PARD3B: variants seen among roughly 807,000 people sequenced by gnomAD.
PARD3B encodes the protein par-3 family cell polarity regulator beta.
A neutral mutation model predicts 130.2 loss-of-function variants in PARD3B; 103 were observed. That is an observed-to-expected ratio of 0.79 (90% confidence interval 0.67 to 0.93). The LOEUF (loss-of-function observed/expected upper bound fraction) is 0.93, where lower values mean the gene tolerates loss of function less well. Among genes scored for constraint, PARD3B ranks in the 40% least tolerant of loss-of-function variants. The pLI, the probability that PARD3B is intolerant of heterozygous loss-of-function variation, is 0.00. For synonymous variants in PARD3B, 583 were observed against 553.2 expected, an observed-to-expected ratio of 1.05 and a Z score of -0.76; for missense variants, 1,609 against 1,499.2, an observed-to-expected ratio of 1.07 and a Z score of -1.21.
chr2:205,420,191 A>G (rs1464586361), intron 19 of PARD3B, among the ~76,000 whole-genome samples: 1 of 152,188 alleles, frequency 6.6e-6, no homozygotes, highest in Non-Finnish European at 1.5e-5. Flanking sequence ...TTCAAGAGCT[A>G]TTAGTGGTGT....
intron 22 of PARD3B, among the ~76,000 whole-genome samples, chr2:205,554,134 T>C (rs529896022): frequency 6.6e-6 from 1 of 152,200 alleles, no homozygotes; most frequent in East Asian, 1.9e-4. Context: ...TTAGGTGAGG[T>C]GAGAGTATGA....
chr2:205,192,892 G>GT (rs923528450), intron 14 of PARD3B, among the ~76,000 whole-genome samples: 8 of 152,168 alleles, frequency 5.3e-5, no homozygotes, highest in Non-Finnish European at 1.2e-4. Flanking sequence ...AAGTGCTAGT[G>GT]TTTTCCAGGC....
chr2:204,751,103 A>C (rs1370185735), intron 2 of PARD3B, among the ~76,000 whole-genome samples: 4 of 152,210 alleles, frequency 2.6e-5, no homozygotes, highest in Admixed American at 2.6e-4. Flanking sequence ...AAGAGGTAGA[A>C]GAGCGTCATA....
rs138390138 is a variant in PARD3B at position 204,750,595 on chromosome 2, CACATACATACAT to C, written c.222+64341_222+64352del. Among the ~76,000 whole-genome samples, 725 of 149,664 alleles carry C rather than the reference CACATACATACAT, an allele frequency of 4.8e-3. 8 individuals are homozygous for C. Among genetic ancestry groups the C allele is most frequent in the African/African-American group, 0.016 (671 of 40,924 alleles). On this transcript the variant is annotated intron_variant, in intron 2 of 22. Transcript: ENST00000406610. Reference sequence around the variant, plus strand: ...AGTGAAACGCTGTTTCAAAAATACACACATACATACATACATACATACATACATACATACATA... The same window carrying C: ...AGTGAAACGCTGTTTCAAAAATACACACATACATACATACATACATACATA...
At chr2:205,376,719 G>A (rs1341375843) in intron 18 of PARD3B, among the ~76,000 whole-genome samples, 1 of 152,118 alleles carries the variant, frequency 6.6e-6, no homozygotes, top group Non-Finnish European at 1.5e-5. Flanking sequence ...AAGCTGTGGA[G>A]GAATAAGTAA....
intron 1 of PARD3B, among the ~76,000 whole-genome samples, chr2:204,593,420 C>A (rs1309196939): frequency 6.6e-6 from 1 of 152,140 alleles, no homozygotes; most frequent in Non-Finnish European, 1.5e-5. Context: ...GCCTAGCATG[C>A]AGTTGGCATT....
At position 205,263,316 on chromosome 2, in the gene PARD3B, A is replaced by G. The variant is rs1294613490; in HGVS notation, c.2185+17494A>G. Among the ~76,000 whole-genome samples the G allele has an allele frequency of 1.3e-5, 2 of 151,630 alleles. No homozygotes were observed. Among genetic ancestry groups the G allele is most frequent in the African/African-American group, 4.8e-5 (2 of 41,306 alleles). ...GGTGGGGCAAAAACAGTGGGAATAT[A>G]TGGAAGCAGCAAGGAACATAAGAGG... On this transcript the variant is annotated intron_variant, in intron 16 of 22. Coordinates refer to ENST00000406610, the MANE Select transcript of PARD3B (RefSeq NM_001302769.2). The surrounding 1 kb of genome is among the most constrained non-coding windows in gnomAD (Gnocchi z 4.0).
rs2053264555 is a variant in PARD3B at position 205,564,848 on chromosome 2, C to G, written c.3260+11445C>G. Among the ~76,000 whole-genome samples the G allele has an allele frequency of 1.3e-5, 2 of 152,184 alleles. No homozygotes were observed. The highest frequency in any genetic ancestry group is 4.1e-4 in the South Asian group (2 of 4,834). ...GAGGGGTTGGTACAAAAACAGCAGC[C>G]TCCAGAACGTGTTCCTGCTTCTATT... On this transcript the variant is annotated intron_variant, in intron 22 of 22. Coordinates refer to ENST00000406610, the MANE Select transcript of PARD3B (RefSeq NM_001302769.2). The surrounding 1 kb of genome is among the most constrained non-coding windows in gnomAD (Gnocchi z 4.6).
At chr2:205,270,576 A>G (rs1460180278) in intron 16 of PARD3B, among the ~76,000 whole-genome samples, 1 of 151,888 alleles carries the variant, frequency 6.6e-6, no homozygotes, top group Admixed American at 6.6e-5. Context: ...CAAAAAAAAA[A>G]CAAAAAGAAA....
At chr2:205,322,994 TC>T (rs1265715969) in intron 18 of PARD3B, among the ~76,000 whole-genome samples, 11 of 137,270 alleles carry the variant, frequency 8.0e-5, no homozygotes, top group Non-Finnish European at 1.7e-4. Flanking sequence ...CACTGCAGTT[TC>T]CGCCTCCTGG....
chr2:205,275,994 A>G (rs1213809898), intron 16 of PARD3B, among the ~76,000 whole-genome samples: 2 of 152,192 alleles, frequency 1.3e-5, no homozygotes, highest in Non-Finnish European at 2.9e-5. Context: ...ATTAATGGAA[A>G]GCAGACACAG....
intron 20 of PARD3B, among the ~76,000 whole-genome samples, chr2:205,477,471 G>A (rs979644081): frequency 3.9e-5 from 6 of 152,112 alleles, no homozygotes; most frequent in African/African-American, 1.4e-4. Flanking sequence ...TGTGGAATAT[G>A]TCTAAATGTC....
chr2:204,798,050 T>A (rs1412900132), intron 2 of PARD3B, among the ~76,000 whole-genome samples: 1 of 152,176 alleles, frequency 6.6e-6, no homozygotes, highest in Non-Finnish European at 1.5e-5. Context: ...ATAGAACAAC[T>A]ATCCACTCAA....
At chr2:205,520,840 T>C (rs1345431737) in intron 21 of PARD3B, among the ~76,000 whole-genome samples, 1 of 152,080 alleles carries the variant, frequency 6.6e-6, no homozygotes, top group Non-Finnish European at 1.5e-5. Context: ...GTTTAATGCA[T>C]AGTATTTTCT....
rs1404397079 is a variant in PARD3B, at chr2:205,585,460, G to A, written c.3261-29996G>A. 2.6e-5 allele frequency among the ~76,000 whole-genome samples: 4 copies of A among 152,192 alleles called. No homozygotes were observed. The highest frequency in any genetic ancestry group is 5.9e-5 in the Non-Finnish European group (4 of 68,032). ...CCAACCTAATGAATCATTTAATGGG[G>A]ATGAGAAGGCCAGGATGGTAGCCTC... On this transcript the variant is annotated intron_variant, in intron 22 of 22. Transcript: ENST00000406610. This position sits in a 1 kb window ranked among gnomAD's most constrained non-coding sequence, Gnocchi z 5.4.
chr2:205,169,620 A>G (rs1282559567), intron 11 of PARD3B, among the ~76,000 whole-genome samples: 1 of 152,062 alleles, frequency 6.6e-6, no homozygotes. Flanking sequence ...TTCCATCTTT[A>G]TCTTGTTTCT....
intron 2 of PARD3B, among the ~76,000 whole-genome samples, chr2:204,804,108 G>A (rs888103783): frequency 1.3e-5 from 2 of 152,114 alleles, no homozygotes; most frequent in African/African-American, 2.4e-5. Flanking sequence ...TGTGCCTGTA[G>A]TACCAGCTAC....
At chr2:205,523,071 C>G (rs1031675368) in intron 21 of PARD3B, among the ~76,000 whole-genome samples, 5 of 151,552 alleles carry the variant, frequency 3.3e-5, no homozygotes, top group Admixed American at 6.6e-5. Flanking sequence ...TTGATTCATT[C>G]TGAGGCTTTT....
At chr2:205,185,440 C>G (rs751527671) in intron 13 of PARD3B, among the ~76,000 whole-genome samples, 7 of 152,272 alleles carry the variant, frequency 4.6e-5, no homozygotes, top group South Asian at 2.1e-4. Context: ...AAACAGATGA[C>G]TTTGTTAATC....
Sources: allele counts gnomAD v4.1 joint callset (sites outside exome capture counted in the v4.1 genomes callset), GRCh38; gene constraint gnomAD v4.1.1; non-coding constraint Gnocchi (gnomAD v3.1); transcripts MANE v1.5; gene names NCBI Gene and HGNC (gene_info 2026-07-23, HGNC 2026-07-21).